MPP4: variants seen among roughly 807,000 people sequenced by gnomAD.
The protein encoded by MPP4 is MAGUK p55 scaffold protein 4.
A neutral mutation model predicts 98.3 loss-of-function variants in MPP4; 91 were observed. The observed-to-expected ratio is 0.93, with a 90% CI of 0.78 to 1.10. The LOEUF (loss-of-function observed/expected upper bound fraction) is 1.10, where lower values mean the gene tolerates loss of function less well. Ranked by LOEUF, MPP4 falls within the 50% of genes least tolerant of loss-of-function variation. The pLI is 0.00. For missense variants in MPP4, 744 were observed against 792.9 expected (o/e 0.94, Z 0.74); for synonymous variants, 261 against 271.8 (o/e 0.96, Z 0.39).
intron 3 of MPP4, among the ~76,000 whole-genome samples, chr2:201,691,589 C>T (rs1245628432): frequency 6.6e-6 from 1 of 152,194 alleles, no homozygotes; most frequent in Admixed American, 6.5e-5. Flanking sequence ...TCAATCTTGG[C>T]TCACTACAAC....
intron 11 of MPP4, among the ~76,000 whole-genome samples, chr2:201,670,425 G>C (rs1574617709): frequency 6.6e-6 from 1 of 152,244 alleles, no homozygotes; most frequent in South Asian, 2.1e-4. Context: ...CATTCCCTAA[G>C]AGAGGGGACC....
intron 11 of MPP4, among the ~76,000 whole-genome samples, chr2:201,672,772 C>A (rs199563722): frequency 6.6e-6 from 1 of 151,456 alleles, no homozygotes; most frequent in Non-Finnish European, 1.5e-5. Context: ...GCCTACCAAC[C>A]AAAAAAAAGC....
At chr2:201,658,553 G>C (rs1466733148) in intron 15 of MPP4, 35 bp from the exon 16 acceptor site, 1 of 1,587,124 alleles carries the variant, frequency 6.3e-7, no homozygotes, top group Non-Finnish European at 8.6e-7. Context: ...CAGAATATGT[G>C]AGAGCGAGAA....
intron 16 of MPP4, among the ~76,000 whole-genome samples, chr2:201,657,297 A>G (rs1687871069): frequency 6.6e-6 from 1 of 152,170 alleles, no homozygotes; most frequent in Non-Finnish European, 1.5e-5. Flanking sequence ...AGTTGGACAC[A>G]TGGGTCATGA....
chr2:201,652,935 T>C (rs1687755565), intron 18 of MPP4, among the ~76,000 whole-genome samples: 1 of 152,226 alleles, frequency 6.6e-6, no homozygotes, highest in Non-Finnish European at 1.5e-5. Flanking sequence ...TCCGGCTCTT[T>C]CTCTCCTAAA....
chr2:201,675,679 A>C (rs1688489208), intron 10 of MPP4, among the ~76,000 whole-genome samples: 1 of 152,132 alleles, frequency 6.6e-6, no homozygotes, highest in Admixed American at 6.5e-5. Context: ...GTTTCTATAG[A>C]TGACTCTGCT....
At chr2:201,693,735 A>G (rs1689103124) in intron 2 of MPP4, 141 bp downstream of exon 2, 2 of 905,530 alleles carry the variant, frequency 2.2e-6, no homozygotes, top group African/African-American at 3.3e-5. Flanking sequence ...TATCACTGGT[A>G]GGGCAGTAGT....
chr2:201,677,348 C>G (rs998304992), intron 10 of MPP4, among the ~76,000 whole-genome samples: 1 of 152,230 alleles, frequency 6.6e-6, no homozygotes, highest in Admixed American at 6.5e-5. Flanking sequence ...ATTTGCTACT[C>G]TGGCACAAAC....
chr2:201,654,027 A>C (rs1687787917), intron 18 of MPP4, among the ~76,000 whole-genome samples: 1 of 151,690 alleles, frequency 6.6e-6, no homozygotes, highest in African/African-American at 2.4e-5. Context: ...CCCAGACTGG[A>C]GTGCAATGGT....
At position 201,682,822 on chromosome 2, in the gene MPP4, A is replaced by AAGATTT. The variant is rs1315125975; in HGVS notation, c.660+3_660+8dup. 5 of 1,613,046 alleles carry AAGATTT rather than the reference A, an allele frequency of 3.1e-6. No homozygotes were observed. Among genetic ancestry groups the AAGATTT allele is most frequent in the Non-Finnish European group, 4.2e-6 (5 of 1,179,156 alleles). On this transcript the variant is annotated intron_variant, in intron 8 of 21. Transcript: ENST00000409474. ...AAGTCATTAACAAAAAGGCAAAAAG[A>AAGATTT]AGATTTACCAGAATATGGATCACTT...
At chr2:201,671,330 G>A (rs1198576657) in intron 11 of MPP4, among the ~76,000 whole-genome samples, 5 of 152,114 alleles carry the variant, frequency 3.3e-5, no homozygotes, top group Admixed American at 1.3e-4. Flanking sequence ...TGAAATTCTC[G>A]CTGCCAGCAC....
At chr2:201,649,749 G>A in intron 19 of MPP4, 65 bp from the exon 20 acceptor site, 1 of 1,057,616 alleles carries the variant, frequency 9.5e-7, no homozygotes. Flanking sequence ...GTAGTAACAT[G>A]AGGATAAACT....
At chr2:201,684,985 A>C in intron 7 of MPP4, 79 bp downstream of exon 7, 1 of 1,149,256 alleles carries the variant, frequency 8.7e-7, no homozygotes, top group African/African-American at 1.6e-5. Flanking sequence ...AAAAAAAGGG[A>C]TTTCTCTAGA....
At chr2:201,648,511 C>T (rs974209366) in intron 20 of MPP4, among the ~76,000 whole-genome samples, 3 of 152,176 alleles carry the variant, frequency 2.0e-5, no homozygotes, top group Non-Finnish European at 4.4e-5. Flanking sequence ...AGGTCAGATC[C>T]TGACTCTTAT....
intron 15 of MPP4, among the ~76,000 whole-genome samples, chr2:201,658,795 A>C (rs1345203783): frequency 6.6e-6 from 1 of 151,266 alleles, no homozygotes; most frequent in Non-Finnish European, 1.5e-5. Flanking sequence ...TTAATTTTTT[A>C]AGATAAGTTT....
At chr2:201,657,208 C>T (rs1687869383) in intron 16 of MPP4, among the ~76,000 whole-genome samples, 1 of 151,984 alleles carries the variant, frequency 6.6e-6, no homozygotes, top group Admixed American at 6.6e-5. Flanking sequence ...GGAGCAGGCT[C>T]ATTTTTCACA....
chr2:201,686,185 G>T, intron 5 of MPP4, 135 bp from the exon 6 acceptor site: 1 of 1,012,610 alleles, frequency 9.9e-7, no homozygotes, highest in Non-Finnish European at 1.4e-6. Flanking sequence ...ACAGTGCGAA[G>T]CATTTTATAT....
intron 19 of MPP4, among the ~76,000 whole-genome samples, 184 bp from the exon 20 acceptor site, chr2:201,649,868 G>A (rs1456204811): frequency 6.6e-6 from 1 of 152,214 alleles, no homozygotes; most frequent in Non-Finnish European, 1.5e-5. Flanking sequence ...ATTTCCTCAA[G>A]TTCTCCAAGG....
intron 4 of MPP4, among the ~76,000 whole-genome samples, chr2:201,688,405 C>T (rs1472963853): frequency 6.6e-6 from 1 of 152,004 alleles, no homozygotes; most frequent in Non-Finnish European, 1.5e-5. Context: ...GAAAAATAAA[C>T]CAGGGAAGCT....
Sources: gnomAD v4.1 joint callset for allele counts (sites outside exome capture counted in the v4.1 genomes callset) on GRCh38, gnomAD v4.1.1 for gene constraint, MANE v1.5 for transcripts, NCBI Gene and HGNC (gene_info 2026-07-23, HGNC 2026-07-21) for gene names.